MAPKAPK5: variants seen among roughly 807,000 people sequenced by gnomAD.
MAPKAPK5 encodes the protein MAP kinase-activated protein kinase 5.
In MAPKAPK5, 30 loss-of-function variants were observed where a neutral mutation model predicts 65.1. That is an observed-to-expected ratio of 0.46 (90% CI 0.34 to 0.63). MAPKAPK5 has a LOEUF of 0.63. MAPKAPK5 is among the 20% of genes least tolerant of loss of function. The pLI, the probability that MAPKAPK5 is intolerant of heterozygous loss-of-function variation, is 0.01. For synonymous variants in MAPKAPK5, 179 were observed against 204.6 expected (o/e 0.87, Z 1.07); for missense variants, 433 against 581.4 (o/e 0.74, Z 2.63).
At chr12:111,846,473 A>T (rs1179013637) in intron 1 of MAPKAPK5, among the ~76,000 whole-genome samples, 1 of 143,948 alleles carries the variant, frequency 6.9e-6, no homozygotes, top group Non-Finnish European at 1.5e-5. Flanking sequence ...AAAATTCCAG[A>T]AATCAATAAT....
chr12:111,892,428 G>A (rs1048553491), intron 13 of MAPKAPK5, among the ~76,000 whole-genome samples: 6 of 152,070 alleles, frequency 3.9e-5, no homozygotes, highest in African/African-American at 9.7e-5. Context: ...GTTACTTCAC[G>A]TCCACACCAA....
intron 1 of MAPKAPK5, among the ~76,000 whole-genome samples, chr12:111,846,951 T>C (rs973022764): frequency 1.3e-5 from 2 of 152,138 alleles, no homozygotes; most frequent in Non-Finnish European, 2.9e-5. Flanking sequence ...ACAAACAGTA[T>C]GTATAGGGCT....
chr12:111,869,007 T>C, intron 5 of MAPKAPK5, 146 bp downstream of exon 5: 1 of 655,706 alleles, frequency 1.5e-6, no homozygotes, highest in Non-Finnish European at 2.6e-6. Context: ...AAAGATGTTT[T>C]GACAGGAGAA....
chr12:111,842,821 C>A lies in MAPKAPK5; in HGVS notation c.36+52C>A, dbSNP rs952824587. On this transcript the variant is annotated intron_variant, in intron 1 of 13. Transcript: ENST00000550735. ...CCGCGTTGTCCTGTGGCGTTCTTCT[C>A]GGCTCTAGCCTCAAAAAGCAGGGAG... 17 of 1,278,442 alleles carry A rather than the reference C, an allele frequency of 1.3e-5. No homozygotes were observed. In the Middle Eastern group the frequency reaches 6.1e-4, roughly 46 times the overall value. 79.2% of individuals were successfully genotyped at this position (1,278,442 alleles called of 1,614,324 possible). A position where few individuals can be genotyped will look rare whatever the true frequency, so the allele number is the denominator to read the frequency against.
rs537843576 is a variant in MAPKAPK5, at chr12:111,900,041, G to C, written c.*6980G>C. The C allele has an allele frequency of 8.8e-6, 4 of 455,914 alleles. No individual in the cohort carries two copies. Among genetic ancestry groups the C allele is most frequent in the African/African-American group, 8.0e-5 (4 of 50,020 alleles). The allele number at this position is 455,914 out of a possible 1,614,324, so 28.2% of individuals were successfully genotyped here. On this transcript the variant is annotated 3_prime_UTR_variant, in exon 14 of 14. Coordinates refer to ENST00000550735, the MANE Select transcript of MAPKAPK5 (RefSeq NM_003668.4). ...TCAATGAGACGGTCCAGACAGTAGTGGATGTCATTGCTCTGGCCAACAGCT... is the reference window on the plus strand; with the variant it reads ...TCAATGAGACGGTCCAGACAGTAGTCGATGTCATTGCTCTGGCCAACAGCT...
rs1294039542 is a variant in MAPKAPK5, at chr12:111,855,117, A to G, written c.37-10133A>G. Among the ~76,000 whole-genome samples, 5 of 151,128 alleles carry G rather than the reference A, an allele frequency of 3.3e-5. No individual in the cohort carries two copies. In the East Asian group the frequency reaches 9.9e-4, roughly 30 times the overall value. On this transcript the variant is annotated intron_variant, in intron 1 of 13. Coordinates refer to ENST00000550735, the MANE Select transcript of MAPKAPK5 (RefSeq NM_003668.4). ...TTTGATTTCTGTAAAGTCAATTGTG[A>G]TGTTCCCTCTTTCCTTTCTAATATT...
At chr12:111,885,050 G>A in intron 9 of MAPKAPK5, among the ~76,000 whole-genome samples, 1 of 152,214 alleles carries the variant, frequency 6.6e-6, no homozygotes, top group East Asian at 1.9e-4. Context: ...TCAATGTCCT[G>A]TAAGTAGTTC....
Position 111,866,175 on chromosome 12 carries a change from A to T in MAPKAPK5, c.130A>T (p.Thr44Ser). 1 of 1,612,042 alleles carries T rather than the reference A, an allele frequency of 6.2e-7. No homozygotes were observed. The highest frequency in any genetic ancestry group is 8.5e-7 in the Non-Finnish European group (1 of 1,179,052). ...GPVRVCVKKS[T>S]QERFALKILL... The stretch of plus-strand genomic sequence containing the variant: ...ATCTAGAGTCTGTGTAAAGAAATCT[A>T]CTCAAGAACGGTTTGCGCTGAAAAT... The change falls in exon 3 of 14, where the codon ACT (threonine) becomes TCT (serine). Residue 44 changes from threonine (T) to serine (S), a missense_variant. Thr to Ser is a moderately conservative substitution (Grantham distance 58). Around this residue, in one of 3 missense-constraint regions of MAPKAPK5, gnomAD observed 165 missense variants for 180.0 expected, o/e 0.92. Transcript: ENST00000550735.
intron 1 of MAPKAPK5, among the ~76,000 whole-genome samples, chr12:111,859,753 G>C (rs915019199): frequency 2.0e-5 from 3 of 151,528 alleles, no homozygotes; most frequent in Admixed American, 2.0e-4. Flanking sequence ...TGGTTCAAGC[G>C]ATTCTCCTGG....
rs1418201096 is a variant in MAPKAPK5 at position 111,899,994 on chromosome 12, T to G, written c.*6933T>G. 4 of 455,876 alleles carry G rather than the reference T, an allele frequency of 8.8e-6. No individual in the cohort carries two copies. The highest frequency in any genetic ancestry group is 8.0e-5 in the African/African-American group (4 of 50,026). The allele number at this position is 455,876 out of a possible 1,614,324, so 28.2% of individuals were successfully genotyped here. A position where few individuals can be genotyped will look rare whatever the true frequency, so the allele number is the denominator to read the frequency against. On this transcript the variant is annotated 3_prime_UTR_variant, in exon 14 of 14. Coordinates refer to ENST00000550735, the MANE Select transcript of MAPKAPK5 (RefSeq NM_003668.4). ...GTTTGTCGTGGTCAACAACCAGCGGTTCCAGATGTGGGGCAGTAACGTCAA... is the reference window on the plus strand; with the variant it reads ...GTTTGTCGTGGTCAACAACCAGCGGGTCCAGATGTGGGGCAGTAACGTCAA...
intron 1 of MAPKAPK5, among the ~76,000 whole-genome samples, chr12:111,850,034 C>CTTT (rs57219959): frequency 1.1e-4 from 16 of 148,670 alleles, no homozygotes; most frequent in African/African-American, 4.0e-4. Context: ...GTGAAATATC[C>CTTT]TTTTTTTTTT....
intron 8 of MAPKAPK5, among the ~76,000 whole-genome samples, chr12:111,880,863 A>G (rs1040775328): frequency 6.6e-6 from 1 of 152,232 alleles, no homozygotes; most frequent in Non-Finnish European, 1.5e-5. Context: ...CATATGGTCC[A>G]CTGGCCACAC....
intron 1 of MAPKAPK5, among the ~76,000 whole-genome samples, chr12:111,853,493 A>G (rs577509439): frequency 5.9e-5 from 9 of 152,176 alleles, no homozygotes; most frequent in Non-Finnish European, 1.2e-4. Context: ...GTACATTTGC[A>G]TACTAGTTCT....
chr12:111,865,580 G>GT (rs1048118367), intron 2 of MAPKAPK5, among the ~76,000 whole-genome samples: 24 of 152,164 alleles, frequency 1.6e-4, no homozygotes, highest in African/African-American at 5.8e-4. Context: ...GCTCATGCCT[G>GT]TTATCCCAGA....
intron 1 of MAPKAPK5, among the ~76,000 whole-genome samples, chr12:111,850,312 C>G (rs2069036855): frequency 6.6e-6 from 1 of 152,166 alleles, no homozygotes; most frequent in Non-Finnish European, 1.5e-5. Flanking sequence ...CAGGCATGAG[C>G]AACTGTGCCT....
At chr12:111,868,701 T>C (rs1344354714) in intron 4 of MAPKAPK5, 52 bp from the exon 5 acceptor site, 14 of 1,387,784 alleles carry the variant, frequency 1.0e-5, no homozygotes, top group Non-Finnish European at 1.3e-5. Context: ...GTTTTTTGTT[T>C]CTTTTTCTTT....
At chr12:111,854,386 C>T (rs2069174612) in intron 1 of MAPKAPK5, among the ~76,000 whole-genome samples, 2 of 151,996 alleles carry the variant, frequency 1.3e-5, no homozygotes, top group South Asian at 2.1e-4. Flanking sequence ...GGACTTGAGG[C>T]GTGCGCCACC....
intron 7 of MAPKAPK5, among the ~76,000 whole-genome samples, chr12:111,876,351 A>C (rs1373399492): frequency 2.4e-4 from 37 of 152,042 alleles, no homozygotes; most frequent in Admixed American, 2.4e-3. Flanking sequence ...TATTATGCTT[A>C]TATAAAACCT....
Position 111,901,568 on chromosome 12 carries a change from C to T in MAPKAPK5, c.*8507C>T, listed in dbSNP as rs1482423703. On this transcript the variant is annotated 3_prime_UTR_variant, in exon 14 of 14. Coordinates refer to ENST00000550735, the MANE Select transcript of MAPKAPK5 (RefSeq NM_003668.4). ...ACCAGAGGCTGCCCCGGCAGAAGCT[C>T]CTCCAGCAGTGGCTCCACCACCGGC... is the stretch of plus-strand genomic sequence containing the variant. 2 of 327,158 alleles carry T rather than the reference C, an allele frequency of 6.1e-6. No homozygotes were observed. The highest frequency in any genetic ancestry group is 2.2e-5 in the African/African-American group (1 of 45,922). 20.3% of individuals were successfully genotyped at this position (327,158 alleles called of 1,614,324 possible). A position where few individuals can be genotyped will look rare whatever the true frequency, so the allele number is the denominator to read the frequency against.
Sources: allele counts gnomAD v4.1 joint callset (sites outside exome capture counted in the v4.1 genomes callset), GRCh38; gene constraint gnomAD v4.1.1; regional missense constraint gnomAD v4.1.1; transcripts MANE v1.5; gene names NCBI Gene and HGNC (gene_info 2026-07-23, HGNC 2026-07-21).